Variants in RPS6KA5 observed in about 807,000 individuals in gnomAD.
RPS6KA5 encodes ribosomal protein S6 kinase A5.
A neutral mutation model predicts 85.5 loss-of-function variants in RPS6KA5; 27 were observed. The ratio of observed to expected loss-of-function variants is 0.32; its 90% CI spans 0.23 to 0.44. The LOEUF (loss-of-function observed/expected upper bound fraction) is 0.44, where lower values mean the gene tolerates loss of function less well. Ranked by LOEUF, RPS6KA5 falls within the 20% of genes least tolerant of loss-of-function variation. RPS6KA5 has a pLI of 1.00. For synonymous variants in RPS6KA5, 334 were observed against 348.2 expected, an observed-to-expected ratio of 0.96 and a Z score of 0.46; for missense variants, 811 against 980.9, an observed-to-expected ratio of 0.83 and a Z score of 2.31.
At chr14:90,983,429 G>A (rs533876131) in intron 2 of RPS6KA5, among the ~76,000 whole-genome samples, 4 of 151,730 alleles carry the variant, frequency 2.6e-5, no homozygotes, top group Non-Finnish European at 4.4e-5. Context: ...GGGAGACCCC[G>A]TCTCTACAAA....
At chr14:90,883,932 A>G (rs2034017149) in intron 14 of RPS6KA5, among the ~76,000 whole-genome samples, 1 of 152,124 alleles carries the variant, frequency 6.6e-6, no homozygotes, top group South Asian at 2.1e-4. Flanking sequence ...GTAGCTTTCT[A>G]ATTTTCCCTG....
chr14:91,023,884 T>G (rs900374901), intron 1 of RPS6KA5, among the ~76,000 whole-genome samples: 1 of 152,244 alleles, frequency 6.6e-6, no homozygotes, highest in African/African-American at 2.4e-5. Flanking sequence ...GAGCTGTTTG[T>G]TATGAGAACT....
At position 91,060,472 on chromosome 14, in the gene RPS6KA5, G is replaced by A. The variant is rs763702704; in HGVS notation, c.-38C>T. The A allele has an allele frequency of 2.2e-5, 30 of 1,378,978 alleles. No individual in the cohort carries two copies. The highest frequency in any genetic ancestry group is 9.5e-7 in the Non-Finnish European group (1 of 1,052,078). The allele number at this position is 1,378,978 out of a possible 1,614,324, so 85.4% of individuals were successfully genotyped here. A position where few individuals can be genotyped will look rare whatever the true frequency, so the allele number is the denominator to read the frequency against. ...TTCCGATCCCGCGGGTCGCTACGAGGGGAACCCAGGAGACAGCGGACGCCC... is the reference window on the plus strand; with the variant it reads ...TTCCGATCCCGCGGGTCGCTACGAGAGGAACCCAGGAGACAGCGGACGCCC... On this transcript the variant is annotated 5_prime_UTR_variant, in exon 1 of 17. Transcript: ENST00000614987.
intron 3 of RPS6KA5, among the ~76,000 whole-genome samples, chr14:90,951,760 A>C (rs1458636245): frequency 2.0e-5 from 3 of 152,150 alleles, no homozygotes; most frequent in African/African-American, 7.2e-5. Context: ...TCTTTCCCTT[A>C]AAATGGGAAG....
chr14:90,941,812 GGA>G (rs1336583660), intron 5 of RPS6KA5, among the ~76,000 whole-genome samples: 1 of 152,136 alleles, frequency 6.6e-6, no homozygotes, highest in Non-Finnish European at 1.5e-5. Flanking sequence ...TTTTCCCTTT[GGA>G]GTGCATGTCT....
In RPS6KA5 at chr14:90,850,135, G is replaced by A. The variant is rs1010590112; in HGVS notation, c.*21939C>T. ...GGATCTGTGGGCTTTCTACAAGGGA[G>A]CAAACAACCTCAATTCTTTCCTCTG... is the stretch of plus-strand genomic sequence containing the variant. On this transcript the variant is annotated 3_prime_UTR_variant, in exon 17 of 17. Transcript: ENST00000614987. The A allele has an allele frequency of 6.6e-6, 1 of 152,194 alleles. No individual in the cohort carries two copies. Among genetic ancestry groups the A allele is most frequent in the Non-Finnish European group, 1.5e-5 (1 of 68,054 alleles). The allele number at this position is 152,194 out of a possible 1,614,324, so 9.4% of individuals were successfully genotyped here.
chr14:91,012,861 C>G (rs1368688750), intron 1 of RPS6KA5, among the ~76,000 whole-genome samples: 1 of 152,226 alleles, frequency 6.6e-6, no homozygotes, highest in African/African-American at 2.4e-5. Context: ...GGAACCTTCT[C>G]AATCTGTCTT....
chr14:90,855,837 G>A lies in RPS6KA5; in HGVS notation c.*16237C>T, dbSNP rs953765105. On this transcript the variant is annotated 3_prime_UTR_variant, in exon 17 of 17. Coordinates refer to ENST00000614987, the MANE Select transcript of RPS6KA5 (RefSeq NM_004755.4). ...TTAGCCAGGATGGTCTCGATCTCCT[G>A]ACCTCGTGATCCGCCCGCCTCAGCC... The A allele has an allele frequency of 6.6e-6, 1 of 152,094 alleles. No homozygotes were observed. Among genetic ancestry groups the A allele is most frequent in the Non-Finnish European group, 1.5e-5 (1 of 68,064 alleles). 9.4% of individuals were successfully genotyped at this position (152,094 alleles called of 1,614,324 possible).
intron 5 of RPS6KA5, among the ~76,000 whole-genome samples, chr14:90,934,021 G>C (rs549228462): frequency 6.6e-6 from 1 of 152,272 alleles, no homozygotes; most frequent in African/African-American, 2.4e-5. Flanking sequence ...TCAAAGTGTA[G>C]CCTCTTCTCA....
rs1272555214 is a variant in RPS6KA5 at position 90,870,212 on chromosome 14, A to G, written c.*1862T>C. 3 of 152,204 alleles carry G rather than the reference A, an allele frequency of 2.0e-5. No homozygotes were observed. The highest frequency in any genetic ancestry group is 2.1e-4 in the South Asian group (1 of 4,830). The allele number at this position is 152,204 out of a possible 1,614,324, so 9.4% of individuals were successfully genotyped here. ...CAAATATGTTCCCAATATGTCCAAT[A>G]TAATTATAAATATGGTCATTTTCTT... On this transcript the variant is annotated 3_prime_UTR_variant, in exon 17 of 17. Transcript: ENST00000614987.
chr14:90,984,516 T>C (rs2039975256), intron 2 of RPS6KA5, among the ~76,000 whole-genome samples: 1 of 152,324 alleles, frequency 6.6e-6, no homozygotes, highest in South Asian at 2.1e-4. Flanking sequence ...CAAACTGAAA[T>C]GTGGATTTAT....
intron 13 of RPS6KA5, among the ~76,000 whole-genome samples, chr14:90,893,734 T>C (rs2034681338): frequency 6.6e-6 from 1 of 152,044 alleles, no homozygotes; most frequent in Admixed American, 6.6e-5. Flanking sequence ...TTGATTTTCG[T>C]TTTTCAATTT....
At chr14:91,001,199 G>A in intron 1 of RPS6KA5, 40 bp from the exon 2 acceptor site, 2 of 1,321,752 alleles carry the variant, frequency 1.5e-6, no homozygotes, top group Non-Finnish European at 2.1e-6. Context: ...AAGAGGGTCA[G>A]CAATAGAAGG....
At chr14:90,873,604 C>T (rs2033262376) in intron 16 of RPS6KA5, 28 bp downstream of exon 16, 5 of 1,561,904 alleles carry the variant, frequency 3.2e-6, no homozygotes, top group South Asian at 2.4e-5. Flanking sequence ...CTCAAACCGC[C>T]CAACATGTAC....
In RPS6KA5 at chr14:90,920,259, T is replaced by C. The variant is rs563154065; in HGVS notation, c.753A>G (p.Gly251=). ...LGVLMYELLT[G]ASPFTVDGEK... Reference sequence around the variant, plus strand: ...CTCCATCAACAGTGAAAGGAGATGCTCCAGTTAGTAATTCATACATTAGAA... The same window carrying C: ...CTCCATCAACAGTGAAAGGAGATGCCCCAGTTAGTAATTCATACATTAGAA... The change falls in exon 7 of 17, where the codon GGA becomes GGG. Residue 251 remains glycine (G), a synonymous_variant. Coordinates refer to ENST00000614987, the MANE Select transcript of RPS6KA5 (RefSeq NM_004755.4). 5.5e-5 allele frequency: 89 copies of C among 1,612,878 alleles called. No homozygotes were observed. The South Asian group carries it at 9.0e-4, about 16-fold the overall frequency.
At chr14:90,888,053 T>C (rs2034336175) in intron 14 of RPS6KA5, among the ~76,000 whole-genome samples, 1 of 151,824 alleles carries the variant, frequency 6.6e-6, no homozygotes, top group South Asian at 2.1e-4. Context: ...CATCTATAAG[T>C]TCTCAGTTTA....
chr14:90,889,806 A>G (rs1252508477), intron 14 of RPS6KA5, among the ~76,000 whole-genome samples: 18 of 152,152 alleles, frequency 1.2e-4, no homozygotes, highest in Admixed American at 1.2e-3. Context: ...GGCTGAAGGG[A>G]GAGAGAGAGC....
intron 1 of RPS6KA5, among the ~76,000 whole-genome samples, chr14:91,003,807 C>A (rs2040884630): frequency 2.0e-5 from 3 of 152,206 alleles, no homozygotes; most frequent in Admixed American, 6.5e-5. Context: ...CTGAAAAGAG[C>A]TTAGCCCTGG....
chr14:90,852,146 G>T lies in RPS6KA5; in HGVS notation c.*19928C>A, dbSNP rs1306265913. ...GCTCTGTCGCCCAGGCTGGAGTGCA[G>T]TGGTGTGGTGCGATCTTGGCTCACT... On this transcript the variant is annotated 3_prime_UTR_variant, in exon 17 of 17. Coordinates refer to ENST00000614987, the MANE Select transcript of RPS6KA5 (RefSeq NM_004755.4). 1.5e-5 allele frequency: 2 copies of T among 137,748 alleles called. No homozygotes were observed. The highest frequency in any genetic ancestry group is 3.0e-5 in the Non-Finnish European group (2 of 65,712). 8.5% of individuals were successfully genotyped at this position (137,748 alleles called of 1,614,324 possible). A position where few individuals can be genotyped will look rare whatever the true frequency, so the allele number is the denominator to read the frequency against.
Sources: allele counts gnomAD v4.1 joint callset (sites outside exome capture counted in the v4.1 genomes callset), GRCh38; gene constraint gnomAD v4.1.1; transcripts MANE v1.5; gene names NCBI Gene and HGNC (gene_info 2026-07-23, HGNC 2026-07-21).